The following VWA8 variants were observed in gnomAD, a reference collection of about 807,000 sequenced individuals.
VWA8 encodes the protein von Willebrand factor A domain-containing protein 8.
A neutral mutation model predicts 241.5 loss-of-function variants in VWA8; 221 were observed. The ratio of observed to expected loss-of-function variants is 0.91; its 90% CI spans 0.82 to 1.02. The LOEUF (loss-of-function observed/expected upper bound fraction) is 1.02. VWA8 is among the 50% of genes least tolerant of loss of function. The pLI is 0.00. For synonymous variants in VWA8, 852 were observed against 827.1 expected (o/e 1.03, Z -0.52); for missense variants, 2,322 against 2,328.7 (o/e 1.00, Z 0.06).
At chr13:41,822,860 A>G (rs1426576964) in intron 14 of VWA8, among the ~76,000 whole-genome samples, 1 of 152,184 alleles carries the variant, frequency 6.6e-6, no homozygotes, top group African/African-American at 2.4e-5. Flanking sequence ...AAAAAAGAGC[A>G]CACACTATGT....
chr13:41,802,151 C>T (rs959211028), intron 17 of VWA8, among the ~76,000 whole-genome samples: 3 of 152,204 alleles, frequency 2.0e-5, no homozygotes, highest in African/African-American at 7.2e-5. Flanking sequence ...GAATTGCCTA[C>T]ACCACCTCTT....
At chr13:41,762,893 A>G (rs2137908774) in intron 20 of VWA8, among the ~76,000 whole-genome samples, 1 of 152,216 alleles carries the variant, frequency 6.6e-6, no homozygotes, top group East Asian at 1.9e-4. Context: ...GGGCGTTTGG[A>G]AAGTACTGGA....
intron 40 of VWA8, among the ~76,000 whole-genome samples, chr13:41,594,664 C>T (rs866853739): frequency 6.6e-6 from 1 of 152,086 alleles, no homozygotes; most frequent in Non-Finnish European, 1.5e-5. Flanking sequence ...CTGATGTTGG[C>T]GGAGCATAGC....
At chr13:41,788,601 G>A (rs1170611653) in intron 17 of VWA8, among the ~76,000 whole-genome samples, 4 of 152,142 alleles carry the variant, frequency 2.6e-5, no homozygotes, top group Non-Finnish European at 4.4e-5. Flanking sequence ...CTGAACTTTC[G>A]TCATAGTTCT....
At chr13:41,758,594 T>C (rs1230051861) in intron 21 of VWA8, among the ~76,000 whole-genome samples, 2 of 149,300 alleles carry the variant, frequency 1.3e-5, no homozygotes, top group Non-Finnish European at 3.0e-5. Context: ...TTAGTTCTAA[T>C]GCTTTTTTTA....
At chr13:41,836,878 T>C (rs1421649531) in intron 12 of VWA8, among the ~76,000 whole-genome samples, 2 of 152,196 alleles carry the variant, frequency 1.3e-5, no homozygotes, top group Non-Finnish European at 2.9e-5. Context: ...ACCAGAAATG[T>C]TCTTCCTCTT....
chr13:41,881,907 A>C (rs1410276365), intron 9 of VWA8, among the ~76,000 whole-genome samples: 9 of 116,202 alleles, frequency 7.7e-5, no homozygotes, highest in African/African-American at 1.3e-4. Flanking sequence ...GCGGGGGCTG[A>C]CCCCCACCTC....
intron 4 of VWA8, among the ~76,000 whole-genome samples, chr13:41,905,563 C>CTA (rs1875670807): frequency 6.6e-6 from 1 of 152,014 alleles, no homozygotes; most frequent in African/African-American, 2.4e-5. Flanking sequence ...AAATGGCTAT[C>CTA]TATACTACAG....
At chr13:41,838,872 A>T (rs1465067167) in intron 12 of VWA8, among the ~76,000 whole-genome samples, 1 of 152,176 alleles carries the variant, frequency 6.6e-6, no homozygotes, top group Non-Finnish European at 1.5e-5. Context: ...TTTTTGTGAC[A>T]AATTTTCTTT....
intron 8 of VWA8, among the ~76,000 whole-genome samples, chr13:41,885,032 A>G (rs1874455651): frequency 6.6e-6 from 1 of 152,148 alleles, no homozygotes; most frequent in South Asian, 2.1e-4. Flanking sequence ...AAAGCTTCCT[A>G]GTCATTCCCT....
chr13:41,833,586 A>G, intron 12 of VWA8, 55 bp from the exon 13 acceptor site: 1 of 1,507,942 alleles, frequency 6.6e-7, no homozygotes, highest in Non-Finnish European at 8.9e-7. Flanking sequence ...TTTTTAAGAC[A>G]TGCAAGGTAG....
chr13:41,696,899 T>C (rs1222223148), intron 29 of VWA8, among the ~76,000 whole-genome samples: 2 of 152,238 alleles, frequency 1.3e-5, no homozygotes, highest in African/African-American at 4.8e-5. Flanking sequence ...TGAACTTCTG[T>C]TCTCTATTTA....
At chr13:41,820,704 G>A (rs1020972634) in intron 14 of VWA8, among the ~76,000 whole-genome samples, 1 of 152,214 alleles carries the variant, frequency 6.6e-6, no homozygotes, top group Non-Finnish European at 1.5e-5. Flanking sequence ...CATGGACAGT[G>A]CCTGAAAGTC....
At chr13:41,864,205 G>A (rs1430349659) in intron 12 of VWA8, among the ~76,000 whole-genome samples, 1 of 151,770 alleles carries the variant, frequency 6.6e-6, no homozygotes, top group Non-Finnish European at 1.5e-5. Context: ...GAACCATTGT[G>A]CATTGTTGGT....
intron 20 of VWA8, among the ~76,000 whole-genome samples, chr13:41,775,431 G>C (rs187357686): frequency 1.4e-3 from 214 of 152,332 alleles, no homozygotes; most frequent in African/African-American, 4.9e-3. Context: ...AAGACAGTGT[G>C]ATCTGCTGAC....
chr13:41,825,020 T>C (rs963421590), intron 14 of VWA8, among the ~76,000 whole-genome samples: 7 of 152,096 alleles, frequency 4.6e-5, no homozygotes, highest in Admixed American at 3.9e-4. Flanking sequence ...AAACAATATC[T>C]GAAACCTTTT....
chr13:41,697,856 C>A (rs2045225207), intron 29 of VWA8, among the ~76,000 whole-genome samples: 1 of 152,112 alleles, frequency 6.6e-6, no homozygotes, highest in Non-Finnish European at 1.5e-5. Context: ...CTACTCCAAC[C>A]CACAGTGTAA....
At chr13:41,652,839 C>T (rs1227475048) in intron 37 of VWA8, among the ~76,000 whole-genome samples, 1 of 152,054 alleles carries the variant, frequency 6.6e-6, no homozygotes, top group African/African-American at 2.4e-5. Context: ...TTCTGGCTAG[C>T]CTAGTGACGA....
At chr13:41,745,573 A>T (rs1359337617) in intron 21 of VWA8, among the ~76,000 whole-genome samples, 1 of 152,252 alleles carries the variant, frequency 6.6e-6, no homozygotes, top group South Asian at 2.1e-4. Flanking sequence ...TTCTCAAAAG[A>T]CGACATTTAT....
Sources: gnomAD v4.1 joint callset for allele counts (sites outside exome capture counted in the v4.1 genomes callset) on GRCh38, gnomAD v4.1.1 for gene constraint, MANE v1.5 for transcripts, NCBI Gene and HGNC (gene_info 2026-07-23, HGNC 2026-07-21) for gene names.